Variants in MATN2 observed in about 807,000 individuals in gnomAD.
MATN2 encodes the protein matrilin-2.
In MATN2, 69 loss-of-function variants were observed where a neutral mutation model predicts 103.2. The observed-to-expected ratio is 0.67, with a 90% confidence interval of 0.55 to 0.82. The LOEUF (loss-of-function observed/expected upper bound fraction) is 0.82. Among genes scored for constraint, MATN2 ranks in the 40% least tolerant of loss-of-function variants. The probability of loss-of-function intolerance (pLI) is 0.00; values close to 1 mark genes in which losing one functional copy is unlikely to be tolerated. For missense variants in MATN2, 1,023 were observed against 1,211.5 expected (o/e 0.84, Z 2.31); for synonymous variants, 429 against 450.2 (o/e 0.95, Z 0.60).
intron 2 of MATN2, among the ~76,000 whole-genome samples, chr8:97,923,126 C>T (rs1328347002): frequency 6.7e-6 from 1 of 149,078 alleles, no homozygotes; most frequent in Non-Finnish European, 1.5e-5. Context: ...TTTTGCATGC[C>T]CTTTTTTTTT....
chr8:98,001,031 T>A (rs1329300938), intron 7 of MATN2, among the ~76,000 whole-genome samples: 2 of 152,232 alleles, frequency 1.3e-5, no homozygotes, highest in African/African-American at 2.4e-5. Context: ...ATGTGTCATA[T>A]CTTTAAGTGA....
In MATN2 at chr8:97,954,192, C is replaced by T. The variant is rs115420981; in HGVS notation, c.836-7216C>T. On this transcript the variant is annotated intron_variant, in intron 4 of 18. Coordinates refer to ENST00000254898, the MANE Select transcript of MATN2 (RefSeq NM_002380.5). ...CTCACCCCTACCCTTTCTGAGGAGACGTAACTGACATCCTGCCCTCCCCCA... is the reference window on the plus strand; with the variant it reads ...CTCACCCCTACCCTTTCTGAGGAGATGTAACTGACATCCTGCCCTCCCCCA... Among the ~76,000 whole-genome samples the T allele has an allele frequency of 6.5e-3, 984 of 152,262 alleles. 9 individuals carry two copies. Among genetic ancestry groups the T allele is most frequent in the African/African-American group, 0.021 (855 of 41,562 alleles).
intron 2 of MATN2, among the ~76,000 whole-genome samples, chr8:97,898,597 CAAAAA>C (rs1272617710): frequency 1.1e-5 from 1 of 92,204 alleles, no homozygotes; most frequent in Admixed American, 1.2e-4. Context: ...AACTCCTTCT[CAAAAA>C]AAAAAAAAAA....
intron 4 of MATN2, among the ~76,000 whole-genome samples, chr8:97,959,085 G>T (rs1018927840): frequency 6.6e-6 from 1 of 152,082 alleles, no homozygotes; most frequent in Non-Finnish European, 1.5e-5. Context: ...AGTTTTCTTG[G>T]CACTTCTCTT....
chr8:98,003,615 G>A (rs749850898), intron 7 of MATN2, 46 bp from the exon 8 acceptor site: 5 of 1,611,338 alleles, frequency 3.1e-6, no homozygotes, highest in Non-Finnish European at 4.2e-6. Context: ...ATCAGCCCTG[G>A]GAGAGGTCCA....
chr8:97,894,463 G>T (rs1372393716), intron 2 of MATN2, among the ~76,000 whole-genome samples: 2 of 151,154 alleles, frequency 1.3e-5, no homozygotes, highest in East Asian at 3.9e-4. Flanking sequence ...TGGGACTACA[G>T]TCATGTACTA....
rs868382844 is a variant in MATN2 at position 98,033,646 on chromosome 8, A to G, written c.2802A>G (p.Lys934=). ...FQNLANEEVR[K]LTQRLEEMTQ... ...ACCTTGCAAACGAAGAAGTAAGAAA[A>G]TTAACACAGCGCTATATCCTTTTCT... The change falls in exon 18 of 19, where the codon AAA becomes AAG. Residue 934 remains lysine (K), a synonymous_variant. Transcript: ENST00000254898. 43 of 1,599,866 alleles carry G rather than the reference A, an allele frequency of 2.7e-5. 1 individual carries two copies. The Middle Eastern group carries it at 4.6e-3, about 172-fold the overall frequency.
chr8:97,912,804 G>T (rs890627943), intron 2 of MATN2, among the ~76,000 whole-genome samples: 1 of 152,204 alleles, frequency 6.6e-6, no homozygotes, highest in African/African-American at 2.4e-5. Context: ...CGTGAGTGAG[G>T]CATCAAAGAG....
intron 1 of MATN2, among the ~76,000 whole-genome samples, chr8:97,873,389 C>A (rs1817963708): frequency 6.7e-6 from 1 of 150,358 alleles, no homozygotes; most frequent in Non-Finnish European, 1.5e-5. Flanking sequence ...CTCTGTGTTG[C>A]CCAGGCTAGA....
chr8:97,882,658 A>G (rs1025671731), intron 1 of MATN2, among the ~76,000 whole-genome samples: 6 of 152,140 alleles, frequency 3.9e-5, no homozygotes, highest in Non-Finnish European at 8.8e-5. Context: ...GACCTACCAA[A>G]GTTCTGGGAT....
intron 3 of MATN2, among the ~76,000 whole-genome samples, chr8:97,937,737 C>A (rs1810425741): frequency 6.6e-6 from 1 of 151,858 alleles, no homozygotes; most frequent in Non-Finnish European, 1.5e-5. Flanking sequence ...CACCACCATG[C>A]CTAGCTTATC....
chr8:97,980,665 A>G lies in MATN2; in HGVS notation c.1081+1657A>G, dbSNP rs996075129. ...CTGCAACCTCCACCTCCTGGGTTCAAGCGATTCCCCCACCTCAGCCTCCCA... is the reference window on the plus strand; with the variant it reads ...CTGCAACCTCCACCTCCTGGGTTCAGGCGATTCCCCCACCTCAGCCTCCCA... On this transcript the variant is annotated intron_variant, in intron 6 of 18. Coordinates refer to ENST00000254898, the MANE Select transcript of MATN2 (RefSeq NM_002380.5). 2.0e-5 allele frequency among the ~76,000 whole-genome samples: 3 copies of G among 149,586 alleles called. No individual in the cohort carries two copies. The Admixed American group carries it at 2.0e-4, about 10-fold the overall frequency.
chr8:97,930,898 G>T, intron 2 of MATN2, 55 bp from the exon 3 acceptor site: 1 of 1,291,856 alleles, frequency 7.7e-7, no homozygotes. Flanking sequence ...TTACAGGTGT[G>T]AGCCACCACA....
At chr8:97,941,161 C>CAAAAAAAAAA (rs1186024165) in intron 3 of MATN2, among the ~76,000 whole-genome samples, 15 of 77,976 alleles carry the variant, frequency 1.9e-4, no homozygotes, top group African/African-American at 2.5e-4. Flanking sequence ...GACCTTGTCT[C>CAAAAAAAAAA]AAAAAAAAAA....
chr8:98,014,606 T>C (rs938910546), intron 10 of MATN2, among the ~76,000 whole-genome samples: 14 of 152,226 alleles, frequency 9.2e-5, no homozygotes, highest in African/African-American at 3.1e-4. Flanking sequence ...CTGTAGAATA[T>C]AGCAATGTAG....
At chr8:97,910,101 G>T (rs1385473811) in intron 2 of MATN2, among the ~76,000 whole-genome samples, 5 of 144,254 alleles carry the variant, frequency 3.5e-5, no homozygotes, top group Non-Finnish European at 6.0e-5. Flanking sequence ...TTGCTCTGTT[G>T]CCCAGGCTGG....
intron 13 of MATN2, among the ~76,000 whole-genome samples, chr8:98,024,291 G>A (rs1054889763): frequency 3.3e-5 from 5 of 152,180 alleles, no homozygotes; most frequent in Non-Finnish European, 7.3e-5. Flanking sequence ...GATCACCTGA[G>A]GTCAGGAGTT....
rs1431058454 is a variant in MATN2 at position 98,005,237 on chromosome 8, T to C, written c.1327+1454T>C. Among the ~76,000 whole-genome samples, 2 of 152,192 alleles carry C rather than the reference T, an allele frequency of 1.3e-5. No homozygotes were observed. Among genetic ancestry groups the C allele is most frequent in the Non-Finnish European group, 2.9e-5 (2 of 68,024 alleles). On this transcript the variant is annotated intron_variant, in intron 8 of 18. Transcript: ENST00000254898. The surrounding 1 kb of genome is among the most constrained non-coding windows in gnomAD (Gnocchi z 4.6). ...ACTGATCTCAGAGGCCAAAGGGCTT[T>C]TGAACTGGAAAGTGGTGCCAAAGTC...
chr8:97,929,152 C>T (rs1810094876), intron 2 of MATN2, among the ~76,000 whole-genome samples: 1 of 152,138 alleles, frequency 6.6e-6, no homozygotes, highest in South Asian at 2.1e-4. Flanking sequence ...GCCTCCTCCC[C>T]TAAAATCATT....
Sources: allele counts gnomAD v4.1 joint callset (sites outside exome capture counted in the v4.1 genomes callset), GRCh38; gene constraint gnomAD v4.1.1; non-coding constraint Gnocchi (gnomAD v3.1); transcripts MANE v1.5; gene names NCBI Gene and HGNC (gene_info 2026-07-23, HGNC 2026-07-21).